Variants in PRKDC observed in about 807,000 individuals in gnomAD.
The protein encoded by PRKDC is DNA-dependent protein kinase catalytic subunit.
Under a neutral mutation model 486.9 loss-of-function variants are expected in PRKDC, and 82 were observed. The ratio of observed to expected loss-of-function variants is 0.17; its 90% CI spans 0.14 to 0.20. PRKDC has a LOEUF of 0.20. PRKDC is among the 10% of genes least tolerant of loss of function. The probability of loss-of-function intolerance (pLI) is 1.00; values close to 1 mark genes in which losing one functional copy is unlikely to be tolerated. For synonymous variants in PRKDC, 1,895 were observed against 1,837.0 expected (o/e 1.03, Z -0.81); for missense variants, 4,504 against 5,038.2 (o/e 0.89, Z 3.21).
At position 47,900,479 on chromosome 8, in the gene PRKDC, A is replaced by G. The variant is rs191837814; in HGVS notation, c.3270-12T>C. On this transcript the variant is annotated splice_polypyrimidine_tract_variant and intron_variant, in intron 27 of 85. Coordinates refer to ENST00000314191, the MANE Select transcript of PRKDC (RefSeq NM_006904.7). Reference sequence around the variant, plus strand: ...GAGACTCTTCTTCCCTGTAAAATAAAGAATAGGAAACCTCACCTAAGAAAA... The same window carrying G: ...GAGACTCTTCTTCCCTGTAAAATAAGGAATAGGAAACCTCACCTAAGAAAA... 12 of 1,586,358 alleles carry G rather than the reference A, an allele frequency of 7.6e-6. No homozygotes were observed. The Middle Eastern group carries it at 6.6e-4, about 88-fold the overall frequency.
At chr8:47,818,231 A>G (rs1199469451) in intron 67 of PRKDC, among the ~76,000 whole-genome samples, 1 of 152,174 alleles carries the variant, frequency 6.6e-6, no homozygotes, top group Admixed American at 6.5e-5. Flanking sequence ...TTCAATCTCT[A>G]TAAGCCTCTA....
At position 47,801,499 on chromosome 8, in the gene PRKDC, A is replaced by T. The variant is rs1211863505; in HGVS notation, c.9923-513T>A. Among the ~76,000 whole-genome samples the T allele has an allele frequency of 2.0e-5, 3 of 152,234 alleles. No homozygotes were observed. In the East Asian group the frequency reaches 5.8e-4, roughly 29 times the overall value. On this transcript the variant is annotated intron_variant, in intron 70 of 85. Coordinates refer to ENST00000314191, the MANE Select transcript of PRKDC (RefSeq NM_006904.7). ...TGAAAAATGTTCTTTGTTAGAAGTAACTGTATCAAAGCCCACAGAGGCTAA... is the reference window on the plus strand; with the variant it reads ...TGAAAAATGTTCTTTGTTAGAAGTATCTGTATCAAAGCCCACAGAGGCTAA...
chr8:47,910,787 T>G (rs1056795769), intron 25 of PRKDC, among the ~76,000 whole-genome samples: 1 of 152,196 alleles, frequency 6.6e-6, no homozygotes, highest in Non-Finnish European at 1.5e-5. Flanking sequence ...TCATCTTCTA[T>G]AGTCATAAAA....
chr8:47,815,550 T>C (rs974526707), intron 68 of PRKDC, among the ~76,000 whole-genome samples: 10 of 152,200 alleles, frequency 6.6e-5, no homozygotes, highest in African/African-American at 2.2e-4. Flanking sequence ...AAATCTGAGA[T>C]AATTGAACAC....
intron 74 of PRKDC, among the ~76,000 whole-genome samples, chr8:47,792,838 G>A (rs938873778): frequency 4.6e-5 from 7 of 152,072 alleles, no homozygotes; most frequent in Admixed American, 3.3e-4. Flanking sequence ...CGTATATAAC[G>A]CGATATATAG....
Position 47,881,836 on chromosome 8 carries a change from C to A in PRKDC, c.4962+76G>T, listed in dbSNP as rs1182594738. ...CAAACCAATGAGCTTTTGGAGCAAC[C>A]TCCATCAAATTTTAAAGACACAAGT... On this transcript the variant is annotated intron_variant, in intron 37 of 85. Coordinates refer to ENST00000314191, the MANE Select transcript of PRKDC (RefSeq NM_006904.7). 3.9e-6 allele frequency: 5 copies of A among 1,277,158 alleles called. No individual in the cohort carries two copies. The East Asian group carries it at 1.0e-4, about 26-fold the overall frequency. 79.1% of individuals were successfully genotyped at this position (1,277,158 alleles called of 1,614,324 possible).
chr8:47,956,825 CCCCAGGGAG>C (rs2090710339), intron 3 of PRKDC, among the ~76,000 whole-genome samples: 1 of 150,484 alleles, frequency 6.6e-6, no homozygotes, highest in South Asian at 2.1e-4. Context: ...GCCATCAGGG[CCCCAGGGAG>C]CCCAGGGTGC....
At chr8:47,851,339 C>CT (rs1336573264) in intron 52 of PRKDC, among the ~76,000 whole-genome samples, 18 of 152,320 alleles carry the variant, frequency 1.2e-4, no homozygotes, top group African/African-American at 4.3e-4. Context: ...TTAGAATCAT[C>CT]TTGTAAAAAA....
intron 40 of PRKDC, among the ~76,000 whole-genome samples, chr8:47,871,048 A>G (rs1258577020): frequency 6.6e-6 from 1 of 152,160 alleles, no homozygotes; most frequent in Admixed American, 6.5e-5. Flanking sequence ...GACAAAAGAA[A>G]ACAGAATAAA....
At chr8:47,948,299 G>A (rs1039311643) in intron 7 of PRKDC, among the ~76,000 whole-genome samples, 51 of 150,642 alleles carry the variant, frequency 3.4e-4, no homozygotes, top group Non-Finnish European at 5.3e-4. Context: ...TAGTAGAGAC[G>A]GGATTTCACC....
At chr8:47,903,312 G>T (rs1366755279) in intron 26 of PRKDC, among the ~76,000 whole-genome samples, 1 of 152,188 alleles carries the variant, frequency 6.6e-6, no homozygotes, top group Admixed American at 6.5e-5. Context: ...ATGGACATTT[G>T]ACCAACGACC....
chr8:47,887,290 G>A (rs188109052), intron 35 of PRKDC, among the ~76,000 whole-genome samples: 3 of 152,146 alleles, frequency 2.0e-5, no homozygotes, highest in Non-Finnish European at 2.9e-5. Context: ...GTCACAAAAC[G>A]TTCTCTAGCT....
At chr8:47,944,484 TAA>T (rs75220935) in intron 7 of PRKDC, among the ~76,000 whole-genome samples, 1 of 99,014 alleles carries the variant, frequency 1.0e-5, no homozygotes. Flanking sequence ...AGAAAAAAAT[TAA>T]AAAAAAAAAA....
intron 13 of PRKDC, among the ~76,000 whole-genome samples, 181 bp from the exon 14 acceptor site, chr8:47,935,239 T>C (rs775912948): frequency 2.6e-5 from 4 of 152,150 alleles, no homozygotes; most frequent in South Asian, 4.1e-4. Context: ...CGGTGGCTCA[T>C]GCCTGTAATC....
At position 47,946,770 on chromosome 8, in the gene PRKDC, T is replaced by C. The variant is rs531631675; in HGVS notation, c.722-2741A>G. Among the ~76,000 whole-genome samples, 27 of 152,292 alleles carry C rather than the reference T, an allele frequency of 1.8e-4. No homozygotes were observed. In the East Asian group the frequency reaches 5.0e-3, roughly 28 times the overall value. On this transcript the variant is annotated intron_variant, in intron 7 of 85. Coordinates refer to ENST00000314191, the MANE Select transcript of PRKDC (RefSeq NM_006904.7). ...AGCCTGGATGCTTCCTAAGTGTCTC[T>C]AGTTAAATATATCCAACACAAAAGG...
intron 25 of PRKDC, among the ~76,000 whole-genome samples, chr8:47,905,362 T>C (rs190526712): frequency 4.6e-5 from 7 of 152,296 alleles, no homozygotes; most frequent in Non-Finnish European, 5.9e-5. Context: ...AATTCCATGA[T>C]GAAGAGTCCA....
At chr8:47,948,100 A>G (rs780082157) in intron 7 of PRKDC, among the ~76,000 whole-genome samples, 17 of 136,520 alleles carry the variant, frequency 1.2e-4, no homozygotes, top group South Asian at 4.6e-4. Context: ...ATATATTTGC[A>G]CACACACACA....
Position 47,927,297 on chromosome 8 carries a change from A to T in PRKDC, c.2316T>A (p.Ala772=), listed in dbSNP as rs2090170788. 6.2e-7 allele frequency: 1 copy of T among 1,613,796 alleles called. No individual in the cohort carries two copies. The highest frequency in any genetic ancestry group is 8.5e-7 in the Non-Finnish European group (1 of 1,179,754). ...YTPLAEVGLN[A]LEEWSIYIDR... ...CAATATAAATTGACCATTCTTCTAG[A>T]GCATTCAGGCCTACTTCTGCCAAGG... The change falls in exon 21 of 86, where the codon GCT becomes GCA. Residue 772 remains alanine (A), a synonymous_variant. Transcript: ENST00000314191.
rs772389987 is a variant in PRKDC at position 47,778,658 on chromosome 8, C to T, written c.11654G>A (p.Arg3885Gln). Residue 3885 changes from arginine to glutamine, a missense_variant and splice_region_variant, in exon 83 of 86, where the codon CGG becomes CAG. Around this residue, in one of 6 missense-constraint regions of PRKDC, gnomAD observed 706 missense variants for 945.0 expected, o/e 0.75. Coordinates refer to ENST00000314191, the MANE Select transcript of PRKDC (RefSeq NM_006904.7). ...GCTTGTACTCATCCTCACGAAGGCC[C>T]GCCTACAAAAGAGACACAGCTGTGC... ...ESKVPADLLK[R>Q]AFVRMSTSPE... is the part of the protein sequence containing the mutation. 13 of 1,613,130 alleles carry T rather than the reference C, an allele frequency of 8.1e-6. No individual in the cohort carries two copies. Among genetic ancestry groups the T allele is most frequent in the Admixed American group, 3.3e-5 (2 of 59,870 alleles).
Sources: allele counts gnomAD v4.1 joint callset (sites outside exome capture counted in the v4.1 genomes callset), GRCh38; gene constraint gnomAD v4.1.1; regional missense constraint gnomAD v4.1.1; transcripts MANE v1.5; gene names NCBI Gene and HGNC (gene_info 2026-07-23, HGNC 2026-07-21).